AKT3: variants seen among roughly 807,000 people sequenced by gnomAD.
AKT3 encodes RAC-gamma serine/threonine-protein kinase.
AKT3 carries 15 observed loss-of-function variants against 65.3 expected under a neutral mutation model. That is an observed-to-expected ratio of 0.23 (90% CI 0.15 to 0.35). The LOEUF is 0.35. Ranked by LOEUF, AKT3 falls within the 10% of genes least tolerant of loss-of-function variation. The pLI is 1.00. For missense variants in AKT3, 243 were observed against 576.5 expected (o/e 0.42, Z 5.92); for synonymous variants, 206 against 183.8 (o/e 1.12, Z -0.98).
intron 2 of AKT3, among the ~76,000 whole-genome samples, chr1:243,705,383 C>A (rs1190804989): frequency 6.6e-6 from 1 of 152,154 alleles, no homozygotes; most frequent in East Asian, 1.9e-4. Context: ...ATCTGCTTTA[C>A]AATTTTCTTT....
At position 243,642,601 on chromosome 1, in the gene AKT3, G is replaced by A. The variant is rs191628504; in HGVS notation, c.429+3292C>T. 3.5e-3 allele frequency among the ~76,000 whole-genome samples: 533 copies of A among 152,294 alleles called. 5 individuals are homozygous for A. Among genetic ancestry groups the A allele is most frequent in the African/African-American group, 0.012 (508 of 41,576 alleles). ...TGGGATTACAGGCGTGAGCCACCAC[G>A]CCCAGCCACAGTAAGTCTTTAATAA... On this transcript the variant is annotated intron_variant, in intron 5 of 13. Coordinates refer to ENST00000673466, the MANE Select transcript of AKT3 (RefSeq NM_005465.7).
chr1:243,565,861 T>C (rs1191642816), intron 9 of AKT3, among the ~76,000 whole-genome samples: 3 of 116,922 alleles, frequency 2.6e-5, no homozygotes, highest in African/African-American at 7.8e-5. Context: ...TATTAATTTT[T>C]AAAAATATGC....
At chr1:243,589,094 T>A (rs547020350) in intron 8 of AKT3, among the ~76,000 whole-genome samples, 5 of 151,080 alleles carry the variant, frequency 3.3e-5, no homozygotes, top group Non-Finnish European at 7.4e-5. Context: ...GATCATGAGG[T>A]CAGGAATTTG....
chr1:243,596,625 T>A (rs1010169474), intron 8 of AKT3, among the ~76,000 whole-genome samples: 1 of 152,194 alleles, frequency 6.6e-6, no homozygotes, highest in African/African-American at 2.4e-5. Context: ...AAATTCTCAT[T>A]ACATTAATGC....
At chr1:243,617,904 A>G (rs1678451028) in intron 6 of AKT3, among the ~76,000 whole-genome samples, 1 of 152,146 alleles carries the variant, frequency 6.6e-6, no homozygotes, top group Non-Finnish European at 1.5e-5. Context: ...AGAGTGAATC[A>G]CAGACATTTT....
chr1:243,788,583 G>A (rs1048646267), intron 2 of AKT3: 18 of 152,208 alleles, frequency 1.2e-4, no homozygotes, highest in African/African-American at 4.1e-4. Context: ...TTCTGTTCCA[G>A]ACCACCACAA....
chr1:243,737,888 G>C (rs1429637761), intron 2 of AKT3, among the ~76,000 whole-genome samples: 1 of 152,136 alleles, frequency 6.6e-6, no homozygotes, highest in Non-Finnish European at 1.5e-5. Flanking sequence ...ATTATGAAAA[G>C]ATTCCAAAAC....
rs76766199 is a variant in AKT3, at chr1:243,610,335, A to T, written c.696+3336T>A. On this transcript the variant is annotated intron_variant, in intron 8 of 13. Coordinates refer to ENST00000673466, the MANE Select transcript of AKT3 (RefSeq NM_005465.7). ...AATGAATATTTGTGAAGCACCAACTATGTACAAGCAGTGAATAAGATGCTA... is the reference window on the plus strand; with the variant it reads ...AATGAATATTTGTGAAGCACCAACTTTGTACAAGCAGTGAATAAGATGCTA... Among the ~76,000 whole-genome samples, 6 of 152,336 alleles carry T rather than the reference A, an allele frequency of 3.9e-5. No individual in the cohort carries two copies. In the East Asian group the frequency reaches 1.2e-3, roughly 29 times the overall value.
At chr1:243,677,932 C>G (rs1041718067) in intron 3 of AKT3, among the ~76,000 whole-genome samples, 1 of 151,812 alleles carries the variant, frequency 6.6e-6, no homozygotes, top group Non-Finnish European at 1.5e-5. Context: ...ACTAAAAATA[C>G]AAAAAATTAG....
downstream of AKT3, among the ~76,000 whole-genome samples, chr1:243,497,337 T>TG (rs373624566): frequency 0.24 from 8,381 of 34,936 alleles, 708 homozygotes; most frequent in African/African-American, 0.38. Context: ...TAGGCACGGG[T>TG]GGGGGGGGGG....
chr1:243,503,904 G>C lies in AKT3; in HGVS notation c.*1345C>G. On this transcript the variant is annotated 3_prime_UTR_variant, in exon 14 of 14. Coordinates refer to ENST00000673466, the MANE Select transcript of AKT3 (RefSeq NM_005465.7). ...TTTCTTCATTACTTTTTGTTGCCAG[G>C]TCATCATAACGTTTCAAATTCTTAA... 1 of 227,372 alleles carries C rather than the reference G, an allele frequency of 4.4e-6. No individual in the cohort carries two copies. The highest frequency in any genetic ancestry group is 8.8e-6 in the Non-Finnish European group (1 of 114,280). 14.1% of individuals were successfully genotyped at this position (227,372 alleles called of 1,614,324 possible). A position where few individuals can be genotyped will look rare whatever the true frequency, so the allele number is the denominator to read the frequency against.
intron 8 of AKT3, among the ~76,000 whole-genome samples, chr1:243,594,995 C>A (rs1279950110): frequency 6.6e-6 from 1 of 152,144 alleles, no homozygotes; most frequent in African/African-American, 2.4e-5. Flanking sequence ...GATCACAGAC[C>A]TATACATGTA....
chr1:243,739,184 T>C (rs1293740012), intron 2 of AKT3, among the ~76,000 whole-genome samples: 4 of 152,144 alleles, frequency 2.6e-5, no homozygotes, highest in Admixed American at 6.5e-5. Flanking sequence ...TTAAATTTTC[T>C]AAAAGCCATA....
chr1:243,819,030 A>G (rs1422660827), intron 2 of AKT3, among the ~76,000 whole-genome samples: 1 of 152,212 alleles, frequency 6.6e-6, no homozygotes, highest in Non-Finnish European at 1.5e-5. Flanking sequence ...TCAGGTCAGG[A>G]TATCACCCTC....
At chr1:243,545,113 C>A (rs780796675) in intron 12 of AKT3, among the ~76,000 whole-genome samples, 24 of 152,056 alleles carry the variant, frequency 1.6e-4, no homozygotes, top group Non-Finnish European at 2.8e-4. Context: ...CTTTAAATTT[C>A]TTTTAAAACA....
At chr1:243,514,731 TGGAA>T (rs931832309) in intron 12 of AKT3, among the ~76,000 whole-genome samples, 8 of 152,138 alleles carry the variant, frequency 5.3e-5, no homozygotes, top group African/African-American at 1.9e-4. Flanking sequence ...GAGGCTGACG[TGGAA>T]GGATCACTTC....
Position 243,499,739 on chromosome 1 carries a change from T to TTTA in AKT3, c.*5507_*5509dup, listed in dbSNP as rs1304405458. 4 of 1,604,058 alleles carry TTTA rather than the reference T, an allele frequency of 2.5e-6. No homozygotes were observed. Among genetic ancestry groups the TTTA allele is most frequent in the African/African-American group, 2.7e-5 (2 of 74,738 alleles). ...GAACATGAGCTATTGAAACTTACTT[T>TTTA]TTATTATTTTTTCCAGTTACCCAGC... On this transcript the variant is annotated 3_prime_UTR_variant, in exon 14 of 14. Transcript: ENST00000673466.
At chr1:243,518,484 G>C (rs1670506102) in intron 12 of AKT3, among the ~76,000 whole-genome samples, 1 of 152,174 alleles carries the variant, frequency 6.6e-6, no homozygotes, top group Admixed American at 6.5e-5. Context: ...ATTTAGTTGG[G>C]TGTAGTGGCA....
At chr1:243,494,019 G>T (rs1452236236) in intron 13 of AKT3, among the ~76,000 whole-genome samples, 1 of 152,088 alleles carries the variant, frequency 6.6e-6, no homozygotes, top group Non-Finnish European at 1.5e-5. Flanking sequence ...ATTTACTGTG[G>T]TCCTTCCAGG....
Sources: allele counts gnomAD v4.1 joint callset (sites outside exome capture counted in the v4.1 genomes callset), GRCh38; gene constraint gnomAD v4.1.1; transcripts MANE v1.5; gene names NCBI Gene and HGNC (gene_info 2026-07-23, HGNC 2026-07-21).